The following STEAP1B variants were observed in gnomAD, a reference collection of about 807,000 sequenced individuals.
STEAP1B encodes STEAP family member 1B.
STEAP1B carries 13 observed loss-of-function variants against 27.9 expected under a neutral mutation model. The ratio of observed to expected loss-of-function variants is 0.47; its 90% CI spans 0.30 to 0.74. The LOEUF (loss-of-function observed/expected upper bound fraction) is 0.74. Among genes scored for constraint, STEAP1B ranks in the 30% least tolerant of loss-of-function variants. The pLI, the probability that STEAP1B is intolerant of heterozygous loss-of-function variation, is 0.06. For synonymous variants in STEAP1B, 86 were observed against 107.1 expected, an observed-to-expected ratio of 0.80 and a Z score of 1.22; for missense variants, 250 against 298.7, an observed-to-expected ratio of 0.84 and a Z score of 1.20.
intron 2 of STEAP1B, 145 bp from the exon 3 acceptor site, chr7:22,493,981 T>C (rs912139319): frequency 9.7e-6 from 10 of 1,031,370 alleles, no homozygotes; most frequent in South Asian, 1.8e-5. Context: ...TAGTTGAAGA[T>C]AGCATAGTCT....
At chr7:22,482,790 T>C (rs1420341621) in intron 4 of STEAP1B, among the ~76,000 whole-genome samples, 1 of 152,144 alleles carries the variant, frequency 6.6e-6, no homozygotes, top group African/African-American at 2.4e-5. Flanking sequence ...CAGTTGTGGA[T>C]GCTGTCATCC....
intron 4 of STEAP1B, among the ~76,000 whole-genome samples, chr7:22,467,238 T>G (rs180681205): frequency 1.3e-5 from 2 of 152,290 alleles, no homozygotes; most frequent in African/African-American, 4.8e-5. Flanking sequence ...GAGAGGAAAC[T>G]CTCAGGAAAT....
intron 4 of STEAP1B, among the ~76,000 whole-genome samples, chr7:22,473,981 C>T (rs1785930090): frequency 6.6e-6 from 1 of 152,176 alleles, no homozygotes; most frequent in Non-Finnish European, 1.5e-5. Flanking sequence ...GTGTATTAAC[C>T]TATTGGTCAC....
intron 4 of STEAP1B, among the ~76,000 whole-genome samples, chr7:22,477,034 G>A (rs75493204): frequency 0.11 from 16,180 of 152,212 alleles, 908 homozygotes; most frequent in Admixed American, 0.15. Context: ...CATAGGGAGA[G>A]ACTGCAGCTT....
chr7:22,461,071 G>A (rs1326544392), intron 4 of STEAP1B, among the ~76,000 whole-genome samples: 1 of 152,086 alleles, frequency 6.6e-6, no homozygotes, highest in East Asian at 1.9e-4. Flanking sequence ...CCACAATACG[G>A]AACAGCTAGC....
In STEAP1B at chr7:22,448,841, G is replaced by C. The variant is rs145873863; in HGVS notation, c.763-29005C>G. 2.4e-3 allele frequency among the ~76,000 whole-genome samples: 365 copies of C among 152,282 alleles called. 1 individual carries two copies. The highest frequency in any genetic ancestry group is 8.3e-3 in the African/African-American group (344 of 41,548). Reference sequence around the variant, plus strand: ...CAATCTAGCATATCCCAGCTGGAAGGCTGCTTCCCTGGGAGCCAAAAGCAC... The same window carrying C: ...CAATCTAGCATATCCCAGCTGGAAGCCTGCTTCCCTGGGAGCCAAAAGCAC... On this transcript the variant is annotated intron_variant, in intron 4 of 4. Coordinates refer to ENST00000678116, the MANE Select transcript of STEAP1B (RefSeq NM_001382447.1).
chr7:22,449,903 C>T (rs896390396), intron 4 of STEAP1B, among the ~76,000 whole-genome samples: 3 of 152,130 alleles, frequency 2.0e-5, no homozygotes, highest in African/African-American at 7.2e-5. Context: ...TCAGTGATGT[C>T]GAGCACCTTT....
At chr7:22,454,388 G>A (rs1006886196) in intron 4 of STEAP1B, among the ~76,000 whole-genome samples, 1 of 152,112 alleles carries the variant, frequency 6.6e-6, no homozygotes, top group Non-Finnish European at 1.5e-5. Flanking sequence ...TGTACTGGTG[G>A]AATCTTCTGG....
At chr7:22,484,561 ATGTTT>A (rs887580793) in intron 4 of STEAP1B, among the ~76,000 whole-genome samples, 7 of 152,204 alleles carry the variant, frequency 4.6e-5, no homozygotes, top group African/African-American at 1.2e-4. Flanking sequence ...AAGGAGACGA[ATGTTT>A]TGTTTTGTTT....
At position 22,419,646 on chromosome 7, in the gene STEAP1B, G is replaced by A; in HGVS notation, c.*158C>T. On this transcript the variant is annotated 3_prime_UTR_variant, in exon 5 of 5. Coordinates refer to ENST00000678116, the MANE Select transcript of STEAP1B (RefSeq NM_001382447.1). Reference sequence around the variant, plus strand: ...AGTCCGCTGGGGGATCCACTCATCTGCCCTGCCGGATCCATGTTGACAGAG... The same window carrying A: ...AGTCCGCTGGGGGATCCACTCATCTACCCTGCCGGATCCATGTTGACAGAG... 5.5e-6 allele frequency: 4 copies of A among 725,594 alleles called. 1 individual carries two copies. The highest frequency in any genetic ancestry group is 6.8e-5 in the Admixed American group (2 of 29,532). The allele number at this position is 725,594 out of a possible 1,614,324, so 44.9% of individuals were successfully genotyped here.
intron 4 of STEAP1B, among the ~76,000 whole-genome samples, chr7:22,459,931 G>A (rs771145815): frequency 5.9e-5 from 9 of 152,134 alleles, no homozygotes; most frequent in Non-Finnish European, 1.3e-4. Flanking sequence ...CACCACAATA[G>A]CGTAATTTGG....
At position 22,419,593 on chromosome 7, in the gene STEAP1B, A is replaced by T. The variant is rs1282054190; in HGVS notation, c.*211T>A. On this transcript the variant is annotated 3_prime_UTR_variant, in exon 5 of 5. Coordinates refer to ENST00000678116, the MANE Select transcript of STEAP1B (RefSeq NM_001382447.1). Reference sequence around the variant, plus strand: ...CAATCTCAGTGGATTAGCACAACACATATGGACTTTTTGTTTGCTCTCTCA... The same window carrying T: ...CAATCTCAGTGGATTAGCACAACACTTATGGACTTTTTGTTTGCTCTCTCA... 6.3e-5 allele frequency: 29 copies of T among 457,976 alleles called. No individual in the cohort carries two copies. The highest frequency in any genetic ancestry group is 1.6e-5 in the Non-Finnish European group (4 of 256,058). The allele number at this position is 457,976 out of a possible 1,614,324, so 28.4% of individuals were successfully genotyped here.
intron 4 of STEAP1B, among the ~76,000 whole-genome samples, chr7:22,476,617 T>C (rs1274896189): frequency 6.6e-6 from 1 of 152,176 alleles, no homozygotes; most frequent in East Asian, 1.9e-4. Flanking sequence ...TATCTCCAGG[T>C]TGGCCACTCT....
At chr7:22,452,825 C>T (rs1785512916) in intron 4 of STEAP1B, among the ~76,000 whole-genome samples, 1 of 152,172 alleles carries the variant, frequency 6.6e-6, no homozygotes, top group Admixed American at 6.5e-5. Flanking sequence ...CTCACGTGTT[C>T]AGGAAGAACA....
chr7:22,433,802 T>C (rs1785220596), intron 4 of STEAP1B, among the ~76,000 whole-genome samples: 2 of 152,140 alleles, frequency 1.3e-5, no homozygotes, highest in Non-Finnish European at 2.9e-5. Flanking sequence ...TCAACTGAGA[T>C]GAATTAAAGA....
intron 4 of STEAP1B, among the ~76,000 whole-genome samples, chr7:22,485,302 A>G (rs190947147): frequency 6.6e-6 from 1 of 152,308 alleles, no homozygotes; most frequent in East Asian, 1.9e-4. Flanking sequence ...GCCTTTAGCA[A>G]CCTCCACCCT....
intron 4 of STEAP1B, among the ~76,000 whole-genome samples, chr7:22,487,863 T>C (rs1283424733): frequency 6.7e-6 from 1 of 150,238 alleles, no homozygotes; most frequent in Non-Finnish European, 1.5e-5. Context: ...ATTTACTATA[T>C]TGCCTTTCCA....
At chr7:22,450,541 T>TAA (rs1471520335) in intron 4 of STEAP1B, among the ~76,000 whole-genome samples, 1 of 152,188 alleles carries the variant, frequency 6.6e-6, no homozygotes, top group East Asian at 1.9e-4. Flanking sequence ...TATGTGTCTG[T>TAA]TTTTATGCAA....
At chr7:22,471,287 A>G (rs1289309322) in intron 4 of STEAP1B, among the ~76,000 whole-genome samples, 1 of 152,230 alleles carries the variant, frequency 6.6e-6, no homozygotes, top group Non-Finnish European at 1.5e-5. Flanking sequence ...AAAGTGACGC[A>G]GAGGAAGCTC....
Sources: gnomAD v4.1 joint callset for allele counts (sites outside exome capture counted in the v4.1 genomes callset) on GRCh38, gnomAD v4.1.1 for gene constraint, MANE v1.5 for transcripts, NCBI Gene and HGNC (gene_info 2026-07-23, HGNC 2026-07-21) for gene names.